Variants in DSCAM observed in about 807,000 individuals in gnomAD.
DSCAM encodes DS cell adhesion molecule, also known as cell adhesion molecule DSCAM.
DSCAM carries 47 observed loss-of-function variants against 217.7 expected under a neutral mutation model. The observed-to-expected ratio is 0.22, with a 90% CI of 0.17 to 0.28. DSCAM has a LOEUF of 0.28. Ranked by LOEUF, DSCAM falls within the 10% of genes least tolerant of loss-of-function variation. The probability of loss-of-function intolerance (pLI) is 1.00; values close to 1 mark genes in which losing one functional copy is unlikely to be tolerated. For missense variants in DSCAM, 2,080 were observed against 2,618.3 expected (o/e 0.79, Z 4.49); for synonymous variants, 1,056 against 1,015.3 (o/e 1.04, Z -0.76).
chr21:40,372,895 G>A (rs537950460), intron 3 of DSCAM, among the ~76,000 whole-genome samples: 92 of 152,278 alleles, frequency 6.0e-4, no homozygotes, highest in Middle Eastern at 3.4e-3. Flanking sequence ...TAAATCCAGC[G>A]CTTGGTGTCA....
rs956363664 is a variant in DSCAM, at chr21:40,474,963, G to A, written c.509-105718C>T. ...TCCATGGAGCTCTGCAGGCTCTCAG[G>A]GCTTCTGAAGATTGGCATCTCTCCA... On this transcript the variant is annotated intron_variant, in intron 3 of 32. Coordinates refer to ENST00000400454, the MANE Select transcript of DSCAM (RefSeq NM_001389.5). 4.6e-5 allele frequency among the ~76,000 whole-genome samples: 7 copies of A among 152,032 alleles called. No homozygotes were observed. The East Asian group carries it at 1.2e-3, about 25-fold the overall frequency.
At position 40,767,786 on chromosome 21, in the gene DSCAM, C is replaced by T. The variant is rs554673993; in HGVS notation, c.44-59015G>A. On this transcript the variant is annotated intron_variant, in intron 1 of 32. Transcript: ENST00000400454. ...ATTACCATTTCTACGGATGGTGCCA[C>T]CTGTGACATTCAGGATCTTTGAGAG... 4.0e-4 allele frequency among the ~76,000 whole-genome samples: 61 copies of T among 152,240 alleles called. No individual in the cohort carries two copies. The South Asian group carries it at 0.012, about 30-fold the overall frequency.
At chr21:40,791,196 C>T (rs1288673502) in intron 1 of DSCAM, among the ~76,000 whole-genome samples, 4 of 151,620 alleles carry the variant, frequency 2.6e-5, no homozygotes, top group Admixed American at 2.0e-4. Context: ...ATGCTTAGTA[C>T]TGACTGGCTG....
chr21:40,203,118 G>A (rs1299304895), intron 11 of DSCAM, among the ~76,000 whole-genome samples: 1 of 152,194 alleles, frequency 6.6e-6, no homozygotes. Flanking sequence ...AGGTAGAGAG[G>A]AGCGGAGCCA....
rs1211833781 is a variant in DSCAM, at chr21:40,083,820, A to G, written c.4231+88T>C. On this transcript the variant is annotated intron_variant, in intron 24 of 32. Coordinates refer to ENST00000400454, the MANE Select transcript of DSCAM (RefSeq NM_001389.5). Reference sequence around the variant, plus strand: ...TTTTTGGGGGAGAATAAAGTAACACATACCAGTCATTTGCTGAAGATGTGT... The same window carrying G: ...TTTTTGGGGGAGAATAAAGTAACACGTACCAGTCATTTGCTGAAGATGTGT... The G allele has an allele frequency of 3.0e-6, 3 of 1,013,316 alleles. No individual in the cohort carries two copies. In the Admixed American group the frequency reaches 7.4e-5, roughly 25 times the overall value. The allele number at this position is 1,013,316 out of a possible 1,614,324, so 62.8% of individuals were successfully genotyped here.
At chr21:40,181,367 C>T (rs952284420) in intron 14 of DSCAM, among the ~76,000 whole-genome samples, 10 of 152,136 alleles carry the variant, frequency 6.6e-5, no homozygotes, top group African/African-American at 1.9e-4. Context: ...ACCTACCAAA[C>T]CAGAGTCTCT....
At chr21:40,329,837 A>G (rs1185503620) in intron 8 of DSCAM, among the ~76,000 whole-genome samples, 1 of 152,020 alleles carries the variant, frequency 6.6e-6, no homozygotes, top group East Asian at 1.9e-4. Flanking sequence ...CAATCTAAAA[A>G]GGTTGATCTT....
chr21:40,311,580 T>C (rs150437661), intron 9 of DSCAM, among the ~76,000 whole-genome samples: 13 of 152,302 alleles, frequency 8.5e-5, no homozygotes, highest in African/African-American at 2.9e-4. Context: ...ATAGATTTAA[T>C]GCTAAATAGA....
chr21:40,328,154 C>T (rs1305667253), intron 8 of DSCAM, among the ~76,000 whole-genome samples: 1 of 151,802 alleles, frequency 6.6e-6, no homozygotes, highest in African/African-American at 2.4e-5. Flanking sequence ...CCTAAAATTC[C>T]AATATAACCA....
At chr21:40,039,824 A>C (rs1601257481) in intron 32 of DSCAM, among the ~76,000 whole-genome samples, 2 of 152,350 alleles carry the variant, frequency 1.3e-5, no homozygotes, top group East Asian at 3.9e-4. Context: ...AGACAGAAAA[A>C]ATAAAAAGGG....
chr21:40,749,551 T>C (rs978053256), intron 1 of DSCAM, among the ~76,000 whole-genome samples: 5 of 152,094 alleles, frequency 3.3e-5, no homozygotes, highest in African/African-American at 4.8e-5. Context: ...ATGGTTATCA[T>C]CAAAAACACA....
chr21:40,208,272 G>A (rs1361829225), intron 11 of DSCAM, among the ~76,000 whole-genome samples: 3 of 152,094 alleles, frequency 2.0e-5, no homozygotes, highest in Non-Finnish European at 2.9e-5. Context: ...GGCCAACATG[G>A]TGAAACCTGA....
chr21:40,773,861 C>A (rs963223876), intron 1 of DSCAM, among the ~76,000 whole-genome samples: 1 of 152,184 alleles, frequency 6.6e-6, no homozygotes, highest in African/African-American at 2.4e-5. Context: ...GGGCACCAGG[C>A]AGGATGAATT....
At chr21:40,187,093 T>C (rs773540422) in intron 14 of DSCAM, 38 bp downstream of exon 14, 3 of 1,608,520 alleles carry the variant, frequency 1.9e-6, no homozygotes, top group Non-Finnish European at 1.7e-6. Flanking sequence ...AAGAACTTTC[T>C]GAGGTGGAAG....
At chr21:40,725,750 G>A (rs143433737) in intron 1 of DSCAM, among the ~76,000 whole-genome samples, 1 of 152,264 alleles carries the variant, frequency 6.6e-6, no homozygotes, top group African/African-American at 2.4e-5. Context: ...CTGCTCTCAG[G>A]TTCTGACCTA....
At chr21:40,188,785 CT>C (rs35605811) in intron 12 of DSCAM, among the ~76,000 whole-genome samples, 24,480 of 141,374 alleles carry the variant, frequency 0.17, 2,060 homozygotes, top group East Asian at 0.23. Context: ...TTATTTCTCA[CT>C]TTTTTTTTTT....
At chr21:40,811,570 C>T (rs916011408) in intron 1 of DSCAM, among the ~76,000 whole-genome samples, 4 of 152,146 alleles carry the variant, frequency 2.6e-5, no homozygotes, top group African/African-American at 4.8e-5. Context: ...GGGAAGGGGG[C>T]CCTGGAGCAG....
intron 3 of DSCAM, among the ~76,000 whole-genome samples, chr21:40,460,369 C>T (rs2145947114): frequency 6.6e-6 from 1 of 151,724 alleles, no homozygotes; most frequent in African/African-American, 2.4e-5. Context: ...AAATGACAAA[C>T]ATAAAATAAT....
chr21:40,389,926 T>C (rs1296279029), intron 3 of DSCAM, among the ~76,000 whole-genome samples: 1 of 152,326 alleles, frequency 6.6e-6, no homozygotes, highest in South Asian at 2.1e-4. Context: ...AGAGGACGTA[T>C]TGTGTGGTCA....
Sources: allele counts gnomAD v4.1 joint callset (sites outside exome capture counted in the v4.1 genomes callset), GRCh38; gene constraint gnomAD v4.1.1; transcripts MANE v1.5; gene names NCBI Gene and HGNC (gene_info 2026-07-23, HGNC 2026-07-21).